The following CD99 variants were observed in gnomAD, a reference collection of about 807,000 sequenced individuals.
CD99 encodes the protein CD99 molecule (Xg blood group), also known as CD99 antigen.
CD99 carries 19 observed loss-of-function variants against 28.4 expected under a neutral mutation model. The ratio of observed to expected loss-of-function variants is 0.67; its 90% CI spans 0.47 to 0.98. The LOEUF (loss-of-function observed/expected upper bound fraction) is 0.98. CD99 is among the 50% of genes least tolerant of loss of function. The pLI is 0.00. For synonymous variants in CD99, 103 were observed against 92.1 expected, an observed-to-expected ratio of 1.12 and a Z score of -0.67; for missense variants, 283 against 248.8, an observed-to-expected ratio of 1.14 and a Z score of -0.92.
intron 7 of CD99, 136 bp downstream of exon 7, chrX:2,723,500 C>T: frequency 1.1e-6 from 1 of 918,224 alleles, no homozygotes; most frequent in South Asian, 1.4e-5. Flanking sequence ...GTGTTCTGTG[C>T]CAAGTGCTCC....
intron 1 of CD99, among the ~76,000 whole-genome samples, chrX:2,695,965 TG>T (rs1248030539): frequency 2.0e-5 from 3 of 152,164 alleles, no homozygotes; most frequent in African/African-American, 7.2e-5. Flanking sequence ...CATTCTTATT[TG>T]GAAGTGACTC....
intron 8 of CD99, among the ~76,000 whole-genome samples, chrX:2,734,179 TTTTC>T (rs1426187147): frequency 6.6e-6 from 1 of 152,150 alleles, no homozygotes; most frequent in African/African-American, 2.4e-5. Context: ...TTTTAACTTG[TTTTC>T]TTTCTTTTAC....
chrX:2,717,555 T>G, intron 2 of CD99, 50 bp from the exon 3 acceptor site: 1 of 1,420,934 alleles, frequency 7.0e-7, no homozygotes, highest in Non-Finnish European at 1.0e-6. Flanking sequence ...GAGTTGACAC[T>G]TGTTTTCCCA....
intron 8 of CD99, chrX:2,733,527 G>T (rs754471458): frequency 1.3e-5 from 10 of 762,762 alleles, no homozygotes; most frequent in African/African-American, 1.2e-4. Context: ...TCACATGGCG[G>T]ATTCTCTGCC....
chrX:2,713,147 CAT>C (rs1347243033), intron 1 of CD99, among the ~76,000 whole-genome samples: 5 of 151,794 alleles, frequency 3.3e-5, no homozygotes, highest in African/African-American at 1.2e-4. Context: ...CACAAACCCA[CAT>C]ATACATGCAC....
chrX:2,692,399 G>C (rs2124444007), intron 1 of CD99: 1 of 171,702 alleles, frequency 5.8e-6, no homozygotes, highest in African/African-American at 2.4e-5. Flanking sequence ...CCCGGCCCTG[G>C]GGAGGACGGA....
intron 9 of CD99, among the ~76,000 whole-genome samples, chrX:2,739,964 T>G (rs1366818949): frequency 6.8e-6 from 1 of 147,234 alleles, no homozygotes; most frequent in Non-Finnish European, 1.5e-5. Context: ...TCGTGGCGCA[T>G]GCCTGTAATT....
At chrX:2,705,305 G>A (rs1442522802) in intron 1 of CD99, among the ~76,000 whole-genome samples, 5 of 152,190 alleles carry the variant, frequency 3.3e-5, no homozygotes, top group Admixed American at 3.3e-4. Context: ...CACACATCCT[G>A]TTACTGACGG....
intron 6 of CD99, 85 bp downstream of exon 6, chrX:2,722,759 T>G (rs2049058882): frequency 7.6e-7 from 1 of 1,314,706 alleles, no homozygotes; most frequent in Admixed American, 1.7e-5. Context: ...GGGTCTAAAC[T>G]GTCAGCTCTC....
intron 1 of CD99, among the ~76,000 whole-genome samples, chrX:2,696,168 G>A (rs2047564995): frequency 6.6e-6 from 1 of 152,136 alleles, no homozygotes; most frequent in Admixed American, 6.5e-5. Context: ...GAGTCTTCAG[G>A]GGCAGCAACA....
At chrX:2,723,509 C>G (rs2049108317) in intron 7 of CD99, 145 bp downstream of exon 7, 1 of 898,984 alleles carries the variant, frequency 1.1e-6, no homozygotes, top group African/African-American at 1.7e-5. Flanking sequence ...GCCAAGTGCT[C>G]CCAAGTGATG....
intron 1 of CD99, 91 bp downstream of exon 1, chrX:2,691,518 G>C: frequency 7.2e-7 from 1 of 1,392,290 alleles, no homozygotes; most frequent in South Asian, 1.2e-5. Context: ...GGGGCGCCCC[G>C]CGGGGACACC....
intron 1 of CD99, among the ~76,000 whole-genome samples, chrX:2,702,688 G>T (rs966184989): frequency 1.3e-5 from 2 of 151,964 alleles, no homozygotes; most frequent in African/African-American, 4.8e-5. Flanking sequence ...TCATCACTGT[G>T]GTATTAAACC....
At chrX:2,730,111 A>G (rs2049513299) in intron 8 of CD99, among the ~76,000 whole-genome samples, 1 of 152,178 alleles carries the variant, frequency 6.6e-6, no homozygotes, top group South Asian at 2.1e-4. Context: ...CCATGATTGC[A>G]CCACTGCACT....
At chrX:2,733,392 C>T in intron 8 of CD99, 1 of 1,592,092 alleles carries the variant, frequency 6.3e-7, no homozygotes, top group Non-Finnish European at 8.6e-7. Flanking sequence ...GAGAACCCAG[C>T]CCAGGCCTGC....
intron 8 of CD99, among the ~76,000 whole-genome samples, chrX:2,735,931 G>A (rs1240015445): frequency 6.6e-6 from 1 of 152,074 alleles, no homozygotes; most frequent in Non-Finnish European, 1.5e-5. Context: ...GGCTTGGCAC[G>A]GTGGTTCACA....
chrX:2,709,235 C>T (rs1467514033), intron 1 of CD99, among the ~76,000 whole-genome samples: 1 of 152,226 alleles, frequency 6.6e-6, no homozygotes, highest in Non-Finnish European at 1.5e-5. Flanking sequence ...TGCATATATG[C>T]ATGCATGCAC....
chrX:2,725,765 C>T (rs1329765342), intron 7 of CD99, among the ~76,000 whole-genome samples: 1 of 152,146 alleles, frequency 6.6e-6, no homozygotes, highest in Non-Finnish European at 1.5e-5. Flanking sequence ...AGGCACCCAC[C>T]CTTACTCCCG....
At chrX:2,735,298 A>G (rs1413306750) in intron 8 of CD99, among the ~76,000 whole-genome samples, 2 of 152,206 alleles carry the variant, frequency 1.3e-5, no homozygotes, top group African/African-American at 2.4e-5. Context: ...TAATAGCTAC[A>G]GATGATTTCT....
Sources: allele counts gnomAD v4.1 joint callset (sites outside exome capture counted in the v4.1 genomes callset), GRCh38; gene constraint gnomAD v4.1.1; transcripts MANE v1.5; gene names NCBI Gene and HGNC (gene_info 2026-07-23, HGNC 2026-07-21).